ARHGAP39: variants seen among roughly 807,000 people sequenced by gnomAD.
The protein encoded by ARHGAP39 is rho GTPase-activating protein 39.
ARHGAP39 carries 44 observed loss-of-function variants against 106.9 expected under a neutral mutation model. That is an observed-to-expected ratio of 0.41 (90% CI 0.32 to 0.53). The LOEUF (loss-of-function observed/expected upper bound fraction) is 0.53. Among genes scored for constraint, ARHGAP39 ranks in the 20% least tolerant of loss-of-function variants. ARHGAP39 has a pLI of 0.21. For synonymous variants in ARHGAP39, 768 were observed against 693.2 expected (o/e 1.11, Z -1.69); for missense variants, 1,496 against 1,577.3 (o/e 0.95, Z 0.87).
rs1586892314 is a variant in ARHGAP39, at chr8:144,548,638, C to A, written c.597-149G>T. 3 of 1,145,744 alleles carry A rather than the reference C, an allele frequency of 2.6e-6. No homozygotes were observed. The highest frequency in any genetic ancestry group is 2.7e-5 in the East Asian group (1 of 37,102). The allele number at this position is 1,145,744 out of a possible 1,614,324, so 71.0% of individuals were successfully genotyped here. On this transcript the variant is annotated intron_variant, in intron 4 of 11. Coordinates refer to ENST00000377307, the MANE Select transcript of ARHGAP39 (RefSeq NM_025251.3). This position sits in a 1 kb window ranked among gnomAD's most constrained non-coding sequence, Gnocchi z 7.4. ...GCCCTGTGGCCTGGCGCCCCTCACACCTGCCTTGCCCCAGCACCCCCAGCC... is the reference window on the plus strand; with the variant it reads ...GCCCTGTGGCCTGGCGCCCCTCACAACTGCCTTGCCCCAGCACCCCCAGCC...
chr8:144,558,449 C>T lies in ARHGAP39; in HGVS notation c.513-2806G>A, dbSNP rs1416957456. ...CTGGGACTATAGGCACCTGCCACCA[C>T]GCCTGGCTAATTTTTGTATTTTTAT... is the stretch of plus-strand genomic sequence containing the variant. On this transcript the variant is annotated intron_variant, in intron 3 of 11. Transcript: ENST00000377307. Among the ~76,000 whole-genome samples the T allele has an allele frequency of 7.2e-5, 11 of 152,166 alleles. No homozygotes were observed. In the East Asian group the frequency reaches 9.7e-4, roughly 13 times the overall value.
intron 3 of ARHGAP39, among the ~76,000 whole-genome samples, chr8:144,560,695 C>T (rs987217468): frequency 1.2e-4 from 19 of 152,260 alleles, no homozygotes; most frequent in South Asian, 2.1e-4. Context: ...ACCAGCGGTG[C>T]GCGGGTTACT....
upstream of ARHGAP39, among the ~76,000 whole-genome samples, chr8:144,689,017 C>T (rs996977994): frequency 6.6e-6 from 1 of 152,122 alleles, no homozygotes; most frequent in African/African-American, 2.4e-5. Context: ...CCCAGAAACA[C>T]GCAAGGGAAT....
intron 2 of ARHGAP39, among the ~76,000 whole-genome samples, chr8:144,588,392 G>A (rs1020514170): frequency 5.9e-5 from 9 of 152,212 alleles, no homozygotes; most frequent in Admixed American, 6.5e-5. Context: ...GCACCTCCTC[G>A]AACACTTCTC....
At chr8:144,668,990 T>G (rs1293426871) in intron 1 of ARHGAP39, among the ~76,000 whole-genome samples, 3 of 151,604 alleles carry the variant, frequency 2.0e-5, no homozygotes, top group Admixed American at 6.6e-5. Context: ...CAGCACAGAG[T>G]TGAGTTCAGA....
intron 1 of ARHGAP39, among the ~76,000 whole-genome samples, chr8:144,683,002 G>C (rs1289973903): frequency 6.6e-6 from 1 of 152,104 alleles, no homozygotes; most frequent in African/African-American, 2.4e-5. Context: ...GGCCAGCAGA[G>C]TGAGACCCTG....
At position 144,661,566 on chromosome 8, in the gene ARHGAP39, A is replaced by G. The variant is rs1371564395; in HGVS notation, c.-82+24120T>C. The stretch of plus-strand genomic sequence containing the variant: ...TTTCTCCCCTCCCAATCCTCACACC[A>G]GCCCAAGGCCTGAGGCCATCTGGCC... On this transcript the variant is annotated intron_variant, in intron 1 of 11. Transcript: ENST00000377307. 2.0e-5 allele frequency among the ~76,000 whole-genome samples: 3 copies of G among 152,042 alleles called. No homozygotes were observed. In the East Asian group the frequency reaches 5.8e-4, roughly 29 times the overall value.
chr8:144,556,500 A>AT (rs1434504080), intron 3 of ARHGAP39, among the ~76,000 whole-genome samples: 1 of 152,262 alleles, frequency 6.6e-6, no homozygotes, highest in Non-Finnish European at 1.5e-5. Flanking sequence ...CTGATTAAGA[A>AT]TATCCAAATT....
rs1822327847 is a variant in ARHGAP39 at position 144,679,300 on chromosome 8, C to T, written c.-82+6386G>A. Among the ~76,000 whole-genome samples, 3 of 152,184 alleles carry T rather than the reference C, an allele frequency of 2.0e-5. No individual in the cohort carries two copies. Among genetic ancestry groups the T allele is most frequent in the Non-Finnish European group, 2.9e-5 (2 of 68,028 alleles). On this transcript the variant is annotated intron_variant, in intron 1 of 11. Coordinates refer to ENST00000377307, the MANE Select transcript of ARHGAP39 (RefSeq NM_025251.3). This position sits in a 1 kb window ranked among gnomAD's most constrained non-coding sequence, Gnocchi z 4.7. ...CTCACCTTCCCCATAGGAGGCTGTACGTCACACCCTGCTTTGGTCCGTGGA... is the reference window on the plus strand; with the variant it reads ...CTCACCTTCCCCATAGGAGGCTGTATGTCACACCCTGCTTTGGTCCGTGGA...
At chr8:144,615,272 A>T (rs528567079) in intron 1 of ARHGAP39, among the ~76,000 whole-genome samples, 3 of 152,236 alleles carry the variant, frequency 2.0e-5, no homozygotes, top group South Asian at 2.1e-4. Context: ...GTGAGCTATG[A>T]CTGTGGCACT....
intron 2 of ARHGAP39, among the ~76,000 whole-genome samples, chr8:144,603,685 A>C (rs1260843626): frequency 6.8e-6 from 1 of 147,340 alleles, no homozygotes; most frequent in Non-Finnish European, 1.5e-5. Context: ...GCGAGACTCC[A>C]TCAAAAAAAA....
intron 9 of ARHGAP39, 123 bp downstream of exon 9, chr8:144,533,003 T>C: frequency 8.3e-7 from 1 of 1,203,098 alleles, no homozygotes; most frequent in Non-Finnish European, 1.2e-6. Context: ...TTCCATCTGC[T>C]CTCAGGTATG....
intron 2 of ARHGAP39, among the ~76,000 whole-genome samples, chr8:144,602,804 A>G (rs371476829): frequency 0.016 from 1,499 of 96,678 alleles, 35 homozygotes; most frequent in Admixed American, 0.038. Flanking sequence ...GTGCATGTGC[A>G]TGGAGGCGTG....
chr8:144,694,406 C>T, the ARHGAP39 span, among the ~76,000 whole-genome samples: 7 of 152,206 alleles, frequency 4.6e-5, no homozygotes, highest in African/African-American at 1.2e-4. Flanking sequence ...CACTGGCTCC[C>T]GTTTCTGTGG....
intron 1 of ARHGAP39, among the ~76,000 whole-genome samples, chr8:144,642,763 GC>G (rs373348313): frequency 5.3e-5 from 8 of 152,156 alleles, no homozygotes; most frequent in Non-Finnish European, 1.0e-4. Context: ...CGATGGTGAG[GC>G]CTCCCCAACT....
At chr8:144,628,509 A>G (rs1820982014) in intron 1 of ARHGAP39, among the ~76,000 whole-genome samples, 1 of 152,220 alleles carries the variant, frequency 6.6e-6, no homozygotes, top group Non-Finnish European at 1.5e-5. Flanking sequence ...TAGGTTTACA[A>G]AGCAAATGCT....
At chr8:144,537,263 G>A (rs545390943) in intron 7 of ARHGAP39, among the ~76,000 whole-genome samples, 1 of 152,086 alleles carries the variant, frequency 6.6e-6, no homozygotes, top group African/African-American at 2.4e-5. Flanking sequence ...TCAAAGCAGG[G>A]GACGACTCCT....
At position 144,561,193 on chromosome 8, in the gene ARHGAP39, A is replaced by G. The variant is rs141294742; in HGVS notation, c.513-5550T>C. Among the ~76,000 whole-genome samples, 420 of 152,172 alleles carry G rather than the reference A, an allele frequency of 2.8e-3. 2 individuals carry two copies. Among genetic ancestry groups the G allele is most frequent in the African/African-American group, 9.6e-3 (399 of 41,454 alleles). On this transcript the variant is annotated intron_variant, in intron 3 of 11. Transcript: ENST00000377307. The stretch of plus-strand genomic sequence containing the variant: ...TTTCCATCGCACCCCAGCAGTTTCC[A>G]TCGGACTCACCCCAGTGGTTTCCAT...
intron 1 of ARHGAP39, among the ~76,000 whole-genome samples, chr8:144,675,592 A>C (rs1822212591): frequency 6.6e-6 from 1 of 151,562 alleles, no homozygotes; most frequent in Non-Finnish European, 1.5e-5. Flanking sequence ...GTGAAGCTGC[A>C]GACCTTTGTG....
Sources: gnomAD v4.1 joint callset for allele counts (sites outside exome capture counted in the v4.1 genomes callset) on GRCh38, gnomAD v4.1.1 for gene constraint, Gnocchi (gnomAD v3.1) non-coding constraint, MANE v1.5 for transcripts, NCBI Gene and HGNC (gene_info 2026-07-23, HGNC 2026-07-21) for gene names.